Variants in THSD7B observed in about 807,000 individuals in gnomAD.
The protein encoded by THSD7B is thrombospondin type 1 domain containing 7B.
A neutral mutation model predicts 213.6 loss-of-function variants in THSD7B; 138 were observed. That is an observed-to-expected ratio of 0.65 (90% CI 0.56 to 0.74). THSD7B has a LOEUF of 0.74. Ranked by LOEUF, THSD7B falls within the 30% of genes least tolerant of loss-of-function variation. THSD7B has a pLI of 0.00. For synonymous variants in THSD7B, 742 were observed against 687.0 expected, an observed-to-expected ratio of 1.08 and a Z score of -1.25; for missense variants, 1,931 against 1,991.5, an observed-to-expected ratio of 0.97 and a Z score of 0.58.
intron 14 of THSD7B, among the ~76,000 whole-genome samples, chr2:137,446,182 A>T (rs1040490092): frequency 2.0e-5 from 3 of 152,042 alleles, no homozygotes; most frequent in African/African-American, 7.2e-5. Context: ...GGATTAATAT[A>T]ATCAATATTT....
chr2:137,667,991 G>T (rs1683484230), intron 27 of THSD7B, 130 bp downstream of exon 27: 1 of 589,982 alleles, frequency 1.7e-6, no homozygotes, highest in Non-Finnish European at 2.8e-6. Context: ...CAGTAGAATG[G>T]CTGAATGGTT....
At chr2:136,845,735 C>G (rs1682998412) in intron 1 of THSD7B, among the ~76,000 whole-genome samples, 1 of 152,152 alleles carries the variant, frequency 6.6e-6, no homozygotes, top group South Asian at 2.1e-4. Context: ...CGGTAGTATA[C>G]TAAGGCAAGA....
At chr2:136,894,288 CTTAA>C (rs1683912943) in intron 2 of THSD7B, among the ~76,000 whole-genome samples, 2 of 152,188 alleles carry the variant, frequency 1.3e-5, no homozygotes, top group South Asian at 4.1e-4. Flanking sequence ...CTGTTTTCAG[CTTAA>C]TTACTTGGCT....
At chr2:136,924,835 T>C (rs1169553334) in intron 2 of THSD7B, among the ~76,000 whole-genome samples, 1 of 152,256 alleles carries the variant, frequency 6.6e-6, no homozygotes, top group Non-Finnish European at 1.5e-5. Flanking sequence ...ATGTCTCTTC[T>C]TGATTTCTTT....
intron 17 of THSD7B, among the ~76,000 whole-genome samples, chr2:137,587,822 CT>C (rs1681772085): frequency 1.3e-5 from 2 of 152,218 alleles, no homozygotes; most frequent in Admixed American, 6.5e-5. Flanking sequence ...ATTCTCCGAT[CT>C]CAAACTCCAT....
chr2:136,806,881 G>A (rs1227291508), intron 1 of THSD7B, among the ~76,000 whole-genome samples: 1 of 152,126 alleles, frequency 6.6e-6, no homozygotes, highest in African/African-American at 2.4e-5. Context: ...TTGTTTTTGA[G>A]GACCTTGGCA....
In THSD7B at chr2:137,337,438, A is replaced by G. The variant is rs1010125353; in HGVS notation, c.2500+61412A>G. On this transcript the variant is annotated intron_variant, in intron 12 of 27. Transcript: ENST00000409968. ...GTTACACTTTCTTGGCAATAATAGC[A>G]TCGAATCAGAAGTTACATGATATCA... Among the ~76,000 whole-genome samples, 7 of 152,242 alleles carry G rather than the reference A, an allele frequency of 4.6e-5. 1 individual carries two copies. The highest frequency in any genetic ancestry group is 1.7e-4 in the African/African-American group (7 of 41,568).
intron 2 of THSD7B, among the ~76,000 whole-genome samples, chr2:137,045,285 C>T (rs62171220): frequency 6.6e-6 from 1 of 152,010 alleles, no homozygotes; most frequent in Admixed American, 6.6e-5. Flanking sequence ...CATCACTACT[C>T]TTGCACTTTG....
At chr2:136,831,614 T>C (rs1682757237) in intron 1 of THSD7B, among the ~76,000 whole-genome samples, 2 of 152,260 alleles carry the variant, frequency 1.3e-5, no homozygotes, top group Admixed American at 1.3e-4. Flanking sequence ...TACAATGTTT[T>C]GCCTAGTGAC....
intron 15 of THSD7B, among the ~76,000 whole-genome samples, chr2:137,471,379 T>C (rs1688092421): frequency 6.6e-6 from 1 of 152,172 alleles, no homozygotes; most frequent in Non-Finnish European, 1.5e-5. Flanking sequence ...CGTTTTATCC[T>C]TCTGCCTTGA....
intron 4 of THSD7B, among the ~76,000 whole-genome samples, chr2:137,107,537 C>T (rs2104931264): frequency 6.6e-6 from 1 of 152,222 alleles, no homozygotes; most frequent in Admixed American, 6.5e-5. Flanking sequence ...AAGTATACCA[C>T]TAATAACAAA....
chr2:137,159,158 A>G lies in THSD7B; in HGVS notation c.1370-1055A>G, dbSNP rs1269558549. 2.6e-5 allele frequency among the ~76,000 whole-genome samples: 4 copies of G among 152,170 alleles called. No individual in the cohort carries two copies. In the South Asian group the frequency reaches 6.2e-4, roughly 24 times the overall value. On this transcript the variant is annotated intron_variant, in intron 5 of 27. Transcript: ENST00000409968. ...AGAAAGAGTCTCCTGGCGGCCAGGC[A>G]TGGTGGCTCACGTGTGTAATCCCAG...
At position 137,486,018 on chromosome 2, in the gene THSD7B, C is replaced by T. The variant is rs570666091; in HGVS notation, c.3138+34995C>T. 7.2e-5 allele frequency among the ~76,000 whole-genome samples: 11 copies of T among 152,276 alleles called. No individual in the cohort carries two copies. The South Asian group carries it at 2.1e-3, about 29-fold the overall frequency. ...AAGCACTAAACATGGAAAGGAACAA[C>T]CGGTACCAGCCGCTGCAAAATCATG... On this transcript the variant is annotated intron_variant, in intron 15 of 27. Coordinates refer to ENST00000409968, the MANE Select transcript of THSD7B (RefSeq NM_001316349.2).
At chr2:137,365,581 T>G (rs1640830619) in intron 12 of THSD7B, among the ~76,000 whole-genome samples, 1 of 151,894 alleles carries the variant, frequency 6.6e-6, no homozygotes, top group African/African-American at 2.4e-5. Flanking sequence ...GTGGGCAAGG[T>G]ATATGAACAG....
intron 12 of THSD7B, among the ~76,000 whole-genome samples, chr2:137,368,264 C>CAA (rs144474264): frequency 8.8e-5 from 13 of 148,368 alleles, no homozygotes; most frequent in Admixed American, 6.7e-4. Flanking sequence ...TCTAGATTTA[C>CAA]AAAAAAAAAA....
chr2:137,083,563 T>A (rs1404185067), intron 3 of THSD7B, among the ~76,000 whole-genome samples: 1 of 152,146 alleles, frequency 6.6e-6, no homozygotes. Context: ...TATATGTTTC[T>A]ATTAGTTTGC....
intron 15 of THSD7B, among the ~76,000 whole-genome samples, chr2:137,532,386 A>C (rs1187335726): frequency 6.6e-6 from 1 of 151,914 alleles, no homozygotes. Context: ...AGTTATAGAA[A>C]AGGCAAAACT....
intron 17 of THSD7B, among the ~76,000 whole-genome samples, chr2:137,588,936 T>C (rs112275134): frequency 0.22 from 33,761 of 151,894 alleles, 3,918 homozygotes; most frequent in Middle Eastern, 0.32. Flanking sequence ...CATGCCACCA[T>C]GCCCAGGTAA....
At chr2:137,145,643 C>G (rs1679681357) in intron 5 of THSD7B, among the ~76,000 whole-genome samples, 1 of 152,014 alleles carries the variant, frequency 6.6e-6, no homozygotes, top group Admixed American at 6.6e-5. Context: ...TATGTCTTAT[C>G]TGTGGGCTTC....
Sources: gnomAD v4.1 joint callset for allele counts (sites outside exome capture counted in the v4.1 genomes callset) on GRCh38, gnomAD v4.1.1 for gene constraint, MANE v1.5 for transcripts, NCBI Gene and HGNC (gene_info 2026-07-23, HGNC 2026-07-21) for gene names.